HIVEP3: variants seen among roughly 807,000 people sequenced by gnomAD.
HIVEP3 encodes the protein HIVEP zinc finger 3.
Under a neutral mutation model 152.8 loss-of-function variants are expected in HIVEP3, and 49 were observed. The ratio of observed to expected loss-of-function variants is 0.32; its 90% confidence interval spans 0.26 to 0.41. HIVEP3 has a LOEUF of 0.41. Among genes scored for constraint, HIVEP3 ranks in the 10% least tolerant of loss-of-function variants. HIVEP3 has a pLI of 1.00. For missense variants in HIVEP3, 2,790 were observed against 3,103.3 expected, an observed-to-expected ratio of 0.90 and a Z score of 2.40; for synonymous variants, 1,269 against 1,289.0, an observed-to-expected ratio of 0.98 and a Z score of 0.33.
chr1:41,681,341 G>A (rs1472706212), intron 2 of HIVEP3, among the ~76,000 whole-genome samples: 4 of 152,268 alleles, frequency 2.6e-5, no homozygotes, highest in Non-Finnish European at 4.4e-5. Context: ...TAATCCTCCC[G>A]TCTTAGCCTC....
At chr1:42,024,455 G>A (rs1645571196) in intron 1 of HIVEP3, among the ~76,000 whole-genome samples, 1 of 152,072 alleles carries the variant, frequency 6.6e-6, no homozygotes, top group African/African-American at 2.4e-5. Flanking sequence ...GCTTATTTTA[G>A]AAATGGCAGC....
At chr1:41,774,503 C>T (rs753086861) in intron 1 of HIVEP3, among the ~76,000 whole-genome samples, 7 of 152,122 alleles carry the variant, frequency 4.6e-5, no homozygotes, top group Admixed American at 1.3e-4. Flanking sequence ...GAAGATATTT[C>T]GATTTTCCAG....
At chr1:41,607,729 C>T (rs896769782) in intron 3 of HIVEP3, among the ~76,000 whole-genome samples, 1 of 152,096 alleles carries the variant, frequency 6.6e-6, no homozygotes, top group African/African-American at 2.4e-5. Flanking sequence ...TATTAGGATA[C>T]AGGTTCTAGC....
intron 2 of HIVEP3, among the ~76,000 whole-genome samples, chr1:41,692,844 T>TAGC (rs1424997609): frequency 6.6e-6 from 1 of 152,244 alleles, no homozygotes; most frequent in Non-Finnish European, 1.5e-5. Flanking sequence ...GAATAACCAG[T>TAGC]AGCTCCCTAT....
At chr1:41,592,286 A>T (rs1225796937) in intron 3 of HIVEP3, among the ~76,000 whole-genome samples, 2 of 152,166 alleles carry the variant, frequency 1.3e-5, no homozygotes, top group Non-Finnish European at 2.9e-5. Flanking sequence ...ACCCTAGGTA[A>T]GGCACTTTCC....
intron 3 of HIVEP3, among the ~76,000 whole-genome samples, chr1:41,622,712 G>A (rs1317800385): frequency 6.6e-6 from 1 of 152,130 alleles, no homozygotes; most frequent in Non-Finnish European, 1.5e-5. Context: ...AGATAGCAGG[G>A]TCAGATTTGT....
In HIVEP3 at chr1:41,726,289, C is replaced by T. The variant is rs115840548; in HGVS notation, c.-800-25294G>A. ...AGGTCTACTTCCAAAACCAGGGCTCCTTCCTCAATGTCTGGCTGCCTCCAA... is the reference window on the plus strand; with the variant it reads ...AGGTCTACTTCCAAAACCAGGGCTCTTTCCTCAATGTCTGGCTGCCTCCAA... On this transcript the variant is annotated intron_variant, in intron 1 of 8. Transcript: ENST00000372583. Among the ~76,000 whole-genome samples, 298 of 152,278 alleles carry T rather than the reference C, an allele frequency of 2.0e-3. 1 individual carries two copies. Among genetic ancestry groups the T allele is most frequent in the African/African-American group, 7.0e-3 (292 of 41,554 alleles).
At chr1:41,665,327 G>A (rs530215107) in intron 2 of HIVEP3, among the ~76,000 whole-genome samples, 1 of 152,288 alleles carries the variant, frequency 6.6e-6, no homozygotes, top group African/African-American at 2.4e-5. Context: ...GTATCTGAAA[G>A]GCAGGTGGTA....
chr1:41,749,180 G>T (rs1003454855), intron 1 of HIVEP3, among the ~76,000 whole-genome samples: 1 of 152,180 alleles, frequency 6.6e-6, no homozygotes, highest in African/African-American at 2.4e-5. Context: ...GCATAAAAAG[G>T]TATGATGGGT....
intron 5 of HIVEP3, chr1:41,535,859 T>C (rs639298): frequency 0.47 from 71,175 of 150,956 alleles, 16,996 homozygotes; most frequent in Admixed American, 0.59. Flanking sequence ...AGATCTGACT[T>C]GTGTGCCCTG....
chr1:41,562,240 G>T (rs1327937984), intron 5 of HIVEP3, among the ~76,000 whole-genome samples: 12 of 152,188 alleles, frequency 7.9e-5, no homozygotes, highest in Admixed American at 7.9e-4. Context: ...ATTTGACTCT[G>T]AATCAGTTCA....
At chr1:41,802,961 C>T (rs1650392607) in intron 1 of HIVEP3, among the ~76,000 whole-genome samples, 1 of 152,166 alleles carries the variant, frequency 6.6e-6, no homozygotes, top group African/African-American at 2.4e-5. Context: ...GCTCAGAAAC[C>T]CTAGGAAGCA....
At chr1:41,689,520 G>A (rs1284647583) in intron 2 of HIVEP3, among the ~76,000 whole-genome samples, 1 of 152,206 alleles carries the variant, frequency 6.6e-6, no homozygotes, top group African/African-American at 2.4e-5. Flanking sequence ...ACGGGAGAGA[G>A]TCCCTGGGAG....
At chr1:41,950,802 G>T (rs781218114) in intron 1 of HIVEP3, among the ~76,000 whole-genome samples, 1 of 152,154 alleles carries the variant, frequency 6.6e-6, no homozygotes, top group Non-Finnish European at 1.5e-5. Context: ...AAAACTTAAA[G>T]ACTATTGATT....
At chr1:41,527,174 A>AGTGCT in intron 5 of HIVEP3, among the ~76,000 whole-genome samples, 1 of 105,408 alleles carries the variant, frequency 9.5e-6, no homozygotes, top group Non-Finnish European at 1.9e-5. Context: ...ACACACCCAC[A>AGTGCT]CACCCACTCA....
chr1:41,717,358 C>A (rs1196998580), intron 1 of HIVEP3, among the ~76,000 whole-genome samples: 20 of 152,198 alleles, frequency 1.3e-4, no homozygotes, highest in Non-Finnish European at 1.5e-5. Flanking sequence ...AACTTAAATT[C>A]TAATAGGGGA....
At chr1:41,799,418 T>A (rs1428034625) in intron 1 of HIVEP3, among the ~76,000 whole-genome samples, 5 of 152,220 alleles carry the variant, frequency 3.3e-5, no homozygotes. Context: ...CCTAGAATGC[T>A]GTTCCCTGCT....
At chr1:41,552,625 C>T (rs376701445) in intron 5 of HIVEP3, among the ~76,000 whole-genome samples, 32 of 146,438 alleles carry the variant, frequency 2.2e-4, no homozygotes, top group Non-Finnish European at 2.7e-4. Context: ...CATTGTTGGA[C>T]ATTTGGGTTG....
intron 2 of HIVEP3, among the ~76,000 whole-genome samples, chr1:41,653,580 A>C (rs1012046792): frequency 6.6e-6 from 1 of 152,192 alleles, no homozygotes; most frequent in Non-Finnish European, 1.5e-5. Context: ...AAGAGCCCAG[A>C]TATCCTACCC....
Sources: allele counts gnomAD v4.1 joint callset (sites outside exome capture counted in the v4.1 genomes callset), GRCh38; gene constraint gnomAD v4.1.1; transcripts MANE v1.5; gene names NCBI Gene and HGNC (gene_info 2026-07-23, HGNC 2026-07-21).